BCL11A: variants seen among roughly 807,000 people sequenced by gnomAD.
BCL11A encodes the protein B cell CLL/lymphoma 11A.
In BCL11A, 2 loss-of-function variants were observed where a neutral mutation model predicts 55.9. That is an observed-to-expected ratio of 0.04 (90% CI 0.01 to 0.11). BCL11A has a LOEUF of 0.11. Ranked by LOEUF, BCL11A falls within the 10% of genes least tolerant of loss-of-function variation. BCL11A has a pLI of 1.00. For missense variants in BCL11A, 817 were observed against 1,137.1 expected (o/e 0.72, Z 4.05); for synonymous variants, 465 against 473.4 (o/e 0.98, Z 0.23).
intron 2 of BCL11A, chr2:60,525,157 T>G (rs1223460610): frequency 2.6e-5 from 4 of 152,240 alleles, no homozygotes; most frequent in African/African-American, 9.6e-5. Flanking sequence ...AAAATATCAC[T>G]GAATTCAGTC....
downstream of BCL11A, chr2:60,452,319 G>A: frequency 7.5e-6 from 3 of 402,358 alleles, no homozygotes; most frequent in Non-Finnish European, 1.4e-5. Flanking sequence ...GACAGCGATG[G>A]TCCACGGGCC....
chr2:60,495,841 C>G (rs1478554229), intron 2 of BCL11A: 4 of 152,210 alleles, frequency 2.6e-5, no homozygotes, highest in Non-Finnish European at 4.4e-5. Flanking sequence ...AAACCCTTGC[C>G]ACCATGGGAG....
At chr2:60,514,898 CAG>C (rs956675939) in intron 2 of BCL11A, among the ~76,000 whole-genome samples, 20 of 149,468 alleles carry the variant, frequency 1.3e-4, no homozygotes, top group Admixed American at 1.3e-4. Flanking sequence ...AAAAGAGAGA[CAG>C]AGAGAGAGAG....
intron 2 of BCL11A, chr2:60,533,992 C>G (rs953234783): frequency 2.6e-5 from 4 of 152,202 alleles, no homozygotes; most frequent in Admixed American, 2.6e-4. Flanking sequence ...ATTAAACATT[C>G]GTTTTAATCA....
chr2:60,484,501 T>C (rs1323696334), intron 2 of BCL11A: 3 of 152,190 alleles, frequency 2.0e-5, no homozygotes, highest in Non-Finnish European at 4.4e-5. Flanking sequence ...GTTTTACAGA[T>C]AAACCGGGTT....
Position 60,459,715 on chromosome 2 carries a change from T to C in BCL11A, c.*689A>G. The C allele has an allele frequency of 9.6e-7, 1 of 1,037,056 alleles. No individual in the cohort carries two copies. The highest frequency in any genetic ancestry group is 1.2e-6 in the Non-Finnish European group (1 of 861,116). 64.2% of individuals were successfully genotyped at this position (1,037,056 alleles called of 1,614,324 possible). ...AAAACCAAATGATAGAATAAACTTG[T>C]TCTGTTTTTCTGTTAATTTGTCAAT... On this transcript the variant is annotated 3_prime_UTR_variant, in exon 4 of 4. Transcript: ENST00000642384.
At chr2:60,481,278 G>T (rs1298175266) in intron 2 of BCL11A, among the ~76,000 whole-genome samples, 1 of 152,074 alleles carries the variant, frequency 6.6e-6, no homozygotes, top group East Asian at 1.9e-4. Flanking sequence ...CTTGGGACAT[G>T]CTGGAAGGCA....
rs1265691273 is a variant in BCL11A at position 60,461,817 on chromosome 2, G to A, written c.1095C>T (p.Ser365=). 5 of 1,612,090 alleles carry A rather than the reference G, an allele frequency of 3.1e-6. No individual in the cohort carries two copies. The highest frequency in any genetic ancestry group is 3.3e-5 in the Admixed American group (2 of 59,794). ...CCGGGGGCTGGGAGGGAGGAGGGGC[G>A]GATTGCAGAGGAGGGAGGGGGGGCG... is the stretch of plus-strand genomic sequence containing the variant. The part of the protein sequence containing the change: ...LATPPLPPLQ[S]APPPSQPPVK... The change falls in exon 4 of 4, where the codon TCC becomes TCT. Residue 365 remains serine, a synonymous_variant. Transcript: ENST00000642384.
At position 60,487,018 on chromosome 2, in the gene BCL11A, T is replaced by G. The variant is rs1678316699; in HGVS notation, c.386-18185A>C. On this transcript the variant is annotated intron_variant, in intron 2 of 3. Transcript: ENST00000642384. ...TCAAAGCGAAGGCAAATGCCCCTCC[T>G]TTAAGTCTAACGTTGCTATTCAGGC... Among the ~76,000 whole-genome samples, 3 of 152,252 alleles carry G rather than the reference T, an allele frequency of 2.0e-5. No individual in the cohort carries two copies. The South Asian group carries it at 6.2e-4, about 31-fold the overall frequency.
At chr2:60,521,067 G>GCACACACACACA (rs58564312) in intron 2 of BCL11A, among the ~76,000 whole-genome samples, 47 of 117,772 alleles carry the variant, frequency 4.0e-4, no homozygotes, top group Admixed American at 1.4e-3. Context: ...CTAGTGGTCA[G>GCACACACACACA]CACACACACA....
downstream of BCL11A, among the ~76,000 whole-genome samples, chr2:60,456,925 T>C (rs1675967177): frequency 6.6e-6 from 1 of 152,186 alleles, no homozygotes; most frequent in South Asian, 2.1e-4. Context: ...TGCTAAGAGA[T>C]GGAGTAAGTT....
intron 2 of BCL11A, among the ~76,000 whole-genome samples, chr2:60,488,887 G>A (rs1678448654): frequency 6.6e-6 from 1 of 152,152 alleles, no homozygotes. Context: ...AGCCTCCCAA[G>A]TAGCTGGGAT....
intron 2 of BCL11A, among the ~76,000 whole-genome samples, chr2:60,481,706 A>G (rs142905089): frequency 8.1e-4 from 124 of 152,252 alleles, no homozygotes; most frequent in Non-Finnish European, 1.2e-3. Context: ...TCCAGCACAT[A>G]CAACTCAGGG....
intron 2 of BCL11A, among the ~76,000 whole-genome samples, chr2:60,540,440 T>C (rs182669827): frequency 6.6e-6 from 1 of 152,298 alleles, no homozygotes; most frequent in East Asian, 1.9e-4. Flanking sequence ...TCTTGGTGCA[T>C]CTCCCTAGCT....
Position 60,553,381 on chromosome 2 carries a change from T to C in BCL11A, c.-111A>G, listed in dbSNP as rs990300876. On this transcript the variant is annotated 5_prime_UTR_variant, in exon 1 of 4. Transcript: ENST00000642384. ...AAAGAAGGAGACTCCAGAGAAAATA[T>C]CTTCATCAGTGCCTTTTGACATCCA... is the stretch of plus-strand genomic sequence containing the variant. 2.8e-6 allele frequency: 3 copies of C among 1,056,168 alleles called. No individual in the cohort carries two copies. The highest frequency in any genetic ancestry group is 2.7e-6 in the Non-Finnish European group (2 of 727,600). The allele number at this position is 1,056,168 out of a possible 1,614,324, so 65.4% of individuals were successfully genotyped here.
At chr2:60,467,660 A>G (rs1419080464) in intron 3 of BCL11A, among the ~76,000 whole-genome samples, 2 of 39,336 alleles carry the variant, frequency 5.1e-5, no homozygotes, top group African/African-American at 1.1e-4. Flanking sequence ...GATGATGGTG[A>G]TGGTACTGGT....
At chr2:60,482,309 G>T (rs906434735) in intron 2 of BCL11A, among the ~76,000 whole-genome samples, 2 of 152,128 alleles carry the variant, frequency 1.3e-5, no homozygotes, top group African/African-American at 4.8e-5. Flanking sequence ...CAGTGGAGGA[G>T]GTGTGTGGGG....
At chr2:60,469,665 G>T (rs1046429239) in intron 2 of BCL11A, among the ~76,000 whole-genome samples, 4 of 152,188 alleles carry the variant, frequency 2.6e-5, no homozygotes, top group Non-Finnish European at 5.9e-5. Flanking sequence ...CTAATAAAAT[G>T]AATCTAATAG....
chr2:60,499,613 AG>A (rs1159629308), intron 2 of BCL11A: 1 of 152,342 alleles, frequency 6.6e-6, no homozygotes, highest in African/African-American at 2.4e-5. Context: ...GCTAGCAAAA[AG>A]ACCCCTCCAA....
Sources: allele counts gnomAD v4.1 joint callset (sites outside exome capture counted in the v4.1 genomes callset), GRCh38; gene constraint gnomAD v4.1.1; transcripts MANE v1.5; gene names NCBI Gene and HGNC (gene_info 2026-07-23, HGNC 2026-07-21).